The following TRIM44 variants were observed in gnomAD, a reference collection of about 807,000 sequenced individuals.
TRIM44 encodes tripartite motif containing 44, also known as tripartite motif-containing protein 44.
In TRIM44, 13 loss-of-function variants were observed where a neutral mutation model predicts 37.4. That is an observed-to-expected ratio of 0.35 (90% confidence interval 0.23 to 0.55). TRIM44 has a LOEUF of 0.55. Ranked by LOEUF, TRIM44 falls within the 20% of genes least tolerant of loss-of-function variation. The pLI is 0.89. For synonymous variants in TRIM44, 175 were observed against 157.2 expected (o/e 1.11, Z -0.85); for missense variants, 426 against 437.2 (o/e 0.97, Z 0.23).
At chr11:35,740,096 TAAAAA>T (rs1258985035) in intron 4 of TRIM44, among the ~76,000 whole-genome samples, 8 of 64,558 alleles carry the variant, frequency 1.2e-4, no homozygotes, top group African/African-American at 5.1e-4. Context: ...AGACTCTGTC[TAAAAA>T]AAAAAAAAAA....
At chr11:35,790,138 C>T (rs571982435) in intron 4 of TRIM44, among the ~76,000 whole-genome samples, 1 of 152,290 alleles carries the variant, frequency 6.6e-6, no homozygotes. Context: ...CTCTTCCCCC[C>T]AGCAAAATTT....
chr11:35,778,695 A>T (rs1280450783), intron 4 of TRIM44, among the ~76,000 whole-genome samples: 2 of 152,172 alleles, frequency 1.3e-5, no homozygotes, highest in African/African-American at 4.8e-5. Context: ...CAGGACCCTC[A>T]GCTGCAGGTC....
chr11:35,713,992 T>A (rs955590400), intron 2 of TRIM44, among the ~76,000 whole-genome samples: 1 of 152,176 alleles, frequency 6.6e-6, no homozygotes, highest in Non-Finnish European at 1.5e-5. Flanking sequence ...CCTTGACACC[T>A]TGTGGCCATT....
At chr11:35,729,534 A>G (rs970487243) in intron 3 of TRIM44, among the ~76,000 whole-genome samples, 1 of 152,072 alleles carries the variant, frequency 6.6e-6, no homozygotes, top group Non-Finnish European at 1.5e-5. Context: ...TAACTAGGCT[A>G]TGCACTTCCC....
intron 2 of TRIM44, among the ~76,000 whole-genome samples, chr11:35,690,274 A>T (rs1433895097): frequency 6.6e-6 from 1 of 152,202 alleles, no homozygotes; most frequent in African/African-American, 2.4e-5. Flanking sequence ...TTTATGTAGC[A>T]TTTTATAATT....
At chr11:35,792,438 A>C (rs1033203210) in intron 4 of TRIM44, among the ~76,000 whole-genome samples, 34 of 152,356 alleles carry the variant, frequency 2.2e-4, no homozygotes, top group Middle Eastern at 6.8e-3. Flanking sequence ...TCCTGGTCTC[A>C]TTCCAAAGTG....
chr11:35,668,721 G>A (rs970026735), intron 1 of TRIM44, among the ~76,000 whole-genome samples: 17 of 152,228 alleles, frequency 1.1e-4, no homozygotes, highest in African/African-American at 4.1e-4. Context: ...TCCTTTGGGT[G>A]TATACCCAGT....
At chr11:35,795,087 C>G (rs1421578778) in intron 4 of TRIM44, among the ~76,000 whole-genome samples, 1 of 151,994 alleles carries the variant, frequency 6.6e-6, no homozygotes, top group Non-Finnish European at 1.5e-5. Context: ...TTGAGGCAGA[C>G]CAGCAAAGCA....
At chr11:35,736,222 A>G (rs1852324896) in intron 4 of TRIM44, among the ~76,000 whole-genome samples, 1 of 152,186 alleles carries the variant, frequency 6.6e-6, no homozygotes, top group Non-Finnish European at 1.5e-5. Context: ...GGCCACTGCT[A>G]TTCAAACTTT....
chr11:35,771,785 G>A (rs1189173133), intron 4 of TRIM44, among the ~76,000 whole-genome samples: 2 of 151,912 alleles, frequency 1.3e-5, no homozygotes, highest in Non-Finnish European at 2.9e-5. Context: ...TGAAAGTTTG[G>A]AAAATTTGCA....
Position 35,716,459 on chromosome 11 carries a change from A to G in TRIM44, c.748-9465A>G, listed in dbSNP as rs142818253. 5.5e-3 allele frequency among the ~76,000 whole-genome samples: 837 copies of G among 152,220 alleles called. 30 individuals are homozygous for G. The highest frequency in any genetic ancestry group is 0.05 in the Admixed American group (762 of 15,278). ...TGGGTCTAGGTGTTTAGCAGGGAGT[A>G]TTTGGAAGGGAATACAAATAAAAGA... On this transcript the variant is annotated intron_variant, in intron 2 of 4. Transcript: ENST00000299413.
chr11:35,801,543 G>T (rs1003104724), intron 4 of TRIM44, among the ~76,000 whole-genome samples: 1 of 152,160 alleles, frequency 6.6e-6, no homozygotes, highest in Non-Finnish European at 1.5e-5. Context: ...AAGCCAAAAA[G>T]CTAAGCTGCC....
intron 4 of TRIM44, among the ~76,000 whole-genome samples, chr11:35,785,511 T>C (rs1016849665): frequency 5.3e-5 from 8 of 152,180 alleles, no homozygotes; most frequent in Non-Finnish European, 1.2e-4. Flanking sequence ...TGAGTCAGAA[T>C]TGTAGGAGGC....
intron 4 of TRIM44, among the ~76,000 whole-genome samples, chr11:35,773,317 T>A (rs2133866984): frequency 6.6e-6 from 1 of 152,300 alleles, no homozygotes; most frequent in African/African-American, 2.4e-5. Context: ...TTTGGCCCAC[T>A]TTTTCATGGA....
At position 35,663,469 on chromosome 11, in the gene TRIM44, G is replaced by T; in HGVS notation, c.358G>T (p.Glu120Ter). The T allele has an allele frequency of 6.4e-7, 1 of 1,565,920 alleles. No individual in the cohort carries two copies. The highest frequency in any genetic ancestry group is 8.7e-7 in the Non-Finnish European group (1 of 1,154,724). Residue 120 changes from glutamate to a stop codon, truncating the protein, a stop_gained, in exon 1 of 5, where the codon GAG becomes TAG. Transcript: ENST00000299413. LOFTEE classifies it high-confidence loss of function. ...ESETEEESEDESDEESEEDSE... is the reference protein window; with the variant it reads ...ESETEEESED ...CGAGACAGAGGAAGAGAGTGAGGAT[G>T]AGAGCGATGAGGAGAGTGAAGAAGA... is the stretch of plus-strand genomic sequence containing the variant.
chr11:35,760,933 C>T (rs1203317973), intron 4 of TRIM44, among the ~76,000 whole-genome samples: 1 of 152,168 alleles, frequency 6.6e-6, no homozygotes, highest in Non-Finnish European at 1.5e-5. Context: ...CTTTGGCCAA[C>T]ATCTTCCTAA....
chr11:35,741,578 C>T (rs1852397383), intron 4 of TRIM44, among the ~76,000 whole-genome samples: 1 of 152,038 alleles, frequency 6.6e-6, no homozygotes, highest in South Asian at 2.1e-4. Flanking sequence ...GAAAAAAGGG[C>T]CCAAGAGGAA....
intron 4 of TRIM44, among the ~76,000 whole-genome samples, chr11:35,793,556 G>A (rs1853244792): frequency 6.6e-6 from 1 of 152,024 alleles, no homozygotes; most frequent in South Asian, 2.1e-4. Flanking sequence ...GAGACTATTG[G>A]GATCCCCTGT....
intron 4 of TRIM44, among the ~76,000 whole-genome samples, chr11:35,742,510 T>G (rs1281377908): frequency 1.5e-5 from 2 of 130,118 alleles, no homozygotes; most frequent in African/African-American, 6.0e-5. Flanking sequence ...ATATTAAATA[T>G]AATTATATTA....
Sources: gnomAD v4.1 joint callset for allele counts (sites outside exome capture counted in the v4.1 genomes callset) on GRCh38, gnomAD v4.1.1 for gene constraint, MANE v1.5 for transcripts, NCBI Gene and HGNC (gene_info 2026-07-23, HGNC 2026-07-21) for gene names.